RNF169: variants seen among roughly 807,000 people sequenced by gnomAD.
RNF169 encodes the protein ring finger protein 169, also known as E3 ubiquitin-protein ligase RNF169.
A neutral mutation model predicts 53.9 loss-of-function variants in RNF169; 24 were observed. The observed-to-expected ratio is 0.45, with a 90% CI of 0.32 to 0.63. RNF169 has a LOEUF of 0.63. Among genes scored for constraint, RNF169 ranks in the 20% least tolerant of loss-of-function variants. The pLI, the probability that RNF169 is intolerant of heterozygous loss-of-function variation, is 0.04. For synonymous variants in RNF169, 396 were observed against 363.5 expected, an observed-to-expected ratio of 1.09 and a Z score of -1.02; for missense variants, 883 against 906.2, an observed-to-expected ratio of 0.97 and a Z score of 0.33.
rs116069883 is a variant in RNF169, at chr11:74,789,318, C to G, written c.503-308C>G. 4.7e-3 allele frequency among the ~76,000 whole-genome samples: 721 copies of G among 152,222 alleles called. 11 individuals are homozygous for G. The highest frequency in any genetic ancestry group is 0.017 in the African/African-American group (689 of 41,544). On this transcript the variant is annotated intron_variant, in intron 1 of 5. Transcript: ENST00000299563. ...ACAACTGAAAAAGGACAAAAGGCAACTTTTTGGGGAGACTATTTTCTATAA... is the reference window on the plus strand; with the variant it reads ...ACAACTGAAAAAGGACAAAAGGCAAGTTTTTGGGGAGACTATTTTCTATAA...
intron 2 of RNF169, among the ~76,000 whole-genome samples, chr11:74,793,919 C>T (rs2035612687): frequency 6.6e-6 from 1 of 152,032 alleles, no homozygotes; most frequent in Non-Finnish European, 1.5e-5. Context: ...TCTTAGACCC[C>T]TTATATGCTT....
intron 1 of RNF169, among the ~76,000 whole-genome samples, chr11:74,762,368 AGG>A (rs2035099744): frequency 6.1e-5 from 5 of 81,786 alleles, no homozygotes; most frequent in Admixed American, 1.1e-4. Flanking sequence ...CCTTTGGAGG[AGG>A]AGAGGCGCTC....
chr11:74,764,402 G>C (rs778794191), intron 1 of RNF169, among the ~76,000 whole-genome samples: 1 of 152,124 alleles, frequency 6.6e-6, no homozygotes, highest in Non-Finnish European at 1.5e-5. Flanking sequence ...GTGTGGTGGC[G>C]CATGCCTGTA....
In RNF169 at chr11:74,816,646, T is replaced by C. The variant is rs368626332; in HGVS notation, c.724-950T>C. On this transcript the variant is annotated intron_variant, in intron 3 of 5. Coordinates refer to ENST00000299563, the MANE Select transcript of RNF169 (RefSeq NM_001098638.2). ...CTCTGAAAGGCCAATTAGTATTTTA[T>C]AGGCAGAGAGCAGAGACGGAATTTT... Among the ~76,000 whole-genome samples, 213 of 152,320 alleles carry C rather than the reference T, an allele frequency of 1.4e-3. 4 individuals are homozygous for C. In the South Asian group the frequency reaches 0.043, roughly 31 times the overall value.
In RNF169 at chr11:74,838,164, A is replaced by AG. The variant is rs2036285613; in HGVS notation, c.*1437dup. On this transcript the variant is annotated 3_prime_UTR_variant, in exon 6 of 6. Transcript: ENST00000299563. Reference sequence around the variant, plus strand: ...TGACTCCCAAAATGCTAGAACTGGAAGGGACCTTAATGGTTATCTATTCCA... The same window carrying AG: ...TGACTCCCAAAATGCTAGAACTGGAAGGGGACCTTAATGGTTATCTATTCCA... The AG allele has an allele frequency of 1.3e-5, 2 of 152,218 alleles. No homozygotes were observed. The highest frequency in any genetic ancestry group is 2.4e-5 in the African/African-American group (1 of 41,448). 9.4% of individuals were successfully genotyped at this position (152,218 alleles called of 1,614,324 possible).
intron 4 of RNF169, among the ~76,000 whole-genome samples, chr11:74,832,830 A>G (rs969332373): frequency 3.3e-5 from 5 of 152,202 alleles, no homozygotes; most frequent in Non-Finnish European, 7.3e-5. Flanking sequence ...TCTGCCATAC[A>G]GTATACTTCT....
In RNF169 at chr11:74,798,469, A is replaced by G. The variant is rs189052988; in HGVS notation, c.576+8770A>G. On this transcript the variant is annotated intron_variant, in intron 2 of 5. Coordinates refer to ENST00000299563, the MANE Select transcript of RNF169 (RefSeq NM_001098638.2). ...TTCCCACCTAATAAATTTTGATCAG[A>G]CCGGTTGATCTCAAAACCCTGTCTC... 3.9e-5 allele frequency among the ~76,000 whole-genome samples: 6 copies of G among 152,286 alleles called. No homozygotes were observed. In the East Asian group the frequency reaches 1.2e-3, roughly 29 times the overall value.
At position 74,807,369 on chromosome 11, in the gene RNF169, G is replaced by C. The variant is rs886625482; in HGVS notation, c.577-2815G>C. Among the ~76,000 whole-genome samples, 15 of 152,056 alleles carry C rather than the reference G, an allele frequency of 9.9e-5. 1 individual carries two copies. Among genetic ancestry groups the C allele is most frequent in the African/African-American group, 3.4e-4 (14 of 41,386 alleles). On this transcript the variant is annotated intron_variant, in intron 2 of 5. Transcript: ENST00000299563. ...TCATATACCTGTAGCCAACTAATGG[G>C]CCAGCTATTGCAGCACTTTATATTG...
At chr11:74,766,835 A>T (rs183867945) in intron 1 of RNF169, among the ~76,000 whole-genome samples, 1 of 152,202 alleles carries the variant, frequency 6.6e-6, no homozygotes, top group Non-Finnish European at 1.5e-5. Flanking sequence ...ATATTGAAGG[A>T]TGGATGGTTC....
At chr11:74,802,662 CT>C (rs1175491578) in intron 2 of RNF169, among the ~76,000 whole-genome samples, 1 of 152,064 alleles carries the variant, frequency 6.6e-6, no homozygotes, top group Non-Finnish European at 1.5e-5. Context: ...TCAGTCCAAT[CT>C]TACTTCAACA....
rs1349239578 is a variant in RNF169, at chr11:74,758,015, T to G, written c.502+8633T>G. 7.1e-4 allele frequency among the ~76,000 whole-genome samples: 54 copies of G among 76,144 alleles called. 5 individuals are homozygous for G. Among genetic ancestry groups the G allele is most frequent in the Non-Finnish European group, 1.0e-3 (46 of 45,598 alleles). The allele number at this position is 76,144 out of a possible 152,430, so 50.0% of individuals were successfully genotyped here. On this transcript the variant is annotated intron_variant, in intron 1 of 5. Transcript: ENST00000299563. ...CTCTTTAGTTTAATTAGATCCCATT[T>G]GTCAATTTTGTCTTTTGTTGCCATT...
chr11:74,749,011 G>A lies in RNF169; in HGVS notation c.131G>A (p.Gly44Glu), dbSNP rs1465616434. ...AKTGAPGPASGPSLLVLSPPL... is the reference protein window; with the variant it reads ...AKTGAPGPASEPSLLVLSPPL... Reference sequence around the variant, plus strand: ...ACTGGGGCCCCAGGCCCGGCTTCTGGACCTTCGCTGTTGGTGTTGTCGCCG... The same window carrying A: ...ACTGGGGCCCCAGGCCCGGCTTCTGAACCTTCGCTGTTGGTGTTGTCGCCG... The change falls in exon 1 of 6, where the codon GGA becomes GAA. Residue 44 changes from glycine (G) to glutamate (E), a missense_variant. Physicochemically the swap from Gly to Glu is moderately conservative, Grantham distance 98 (BLOSUM62 -2). Transcript: ENST00000299563. 10 of 1,498,732 alleles carry A rather than the reference G, an allele frequency of 6.7e-6. No homozygotes were observed. Among genetic ancestry groups the A allele is most frequent in the Non-Finnish European group, 8.0e-6 (9 of 1,121,066 alleles). The allele number at this position is 1,498,732 out of a possible 1,614,324, so 92.8% of individuals were successfully genotyped here. A position where few individuals can be genotyped will look rare whatever the true frequency, so the allele number is the denominator to read the frequency against.
At chr11:74,759,440 G>A (rs1402684812) in intron 1 of RNF169, among the ~76,000 whole-genome samples, 1 of 114,430 alleles carries the variant, frequency 8.7e-6, no homozygotes, top group Non-Finnish European at 1.8e-5. Context: ...GATATTGGCT[G>A]TGGGTTTGTC....
chr11:74,776,582 A>T (rs1413633213), intron 1 of RNF169, among the ~76,000 whole-genome samples: 1 of 151,892 alleles, frequency 6.6e-6, no homozygotes, highest in Admixed American at 6.6e-5. Context: ...GATCATCCCT[A>T]ACTTCAAGTT....
intron 4 of RNF169, among the ~76,000 whole-genome samples, chr11:74,829,284 A>G (rs1447487284): frequency 2.6e-5 from 4 of 152,260 alleles, no homozygotes; most frequent in African/African-American, 9.6e-5. Flanking sequence ...AATCAAAACC[A>G]TAATGAGATA....
intron 1 of RNF169, among the ~76,000 whole-genome samples, chr11:74,767,630 C>T (rs975299981): frequency 2.6e-4 from 39 of 151,958 alleles, no homozygotes; most frequent in Non-Finnish European, 4.4e-4. Context: ...AGTGCAGTGG[C>T]GCGATCTTGG....
At chr11:74,809,506 G>C (rs2035846685) in intron 2 of RNF169, among the ~76,000 whole-genome samples, 2 of 152,218 alleles carry the variant, frequency 1.3e-5, no homozygotes, top group East Asian at 3.9e-4. Context: ...CCAAAATAAA[G>C]AGCATATCTC....
intron 1 of RNF169, among the ~76,000 whole-genome samples, chr11:74,771,427 G>T (rs1006890320): frequency 6.6e-6 from 1 of 152,146 alleles, no homozygotes; most frequent in Non-Finnish European, 1.5e-5. Flanking sequence ...TTAACTGGTC[G>T]CTATTATGGC....
At chr11:74,789,516 T>C (rs2035551537) in intron 1 of RNF169, 110 bp from the exon 2 acceptor site, 1 of 665,836 alleles carries the variant, frequency 1.5e-6, no homozygotes, top group African/African-American at 1.8e-5. Context: ...TTTATTCTGT[T>C]CTTAGCTTTG....
Sources: gnomAD v4.1 joint callset for allele counts (sites outside exome capture counted in the v4.1 genomes callset) on GRCh38, gnomAD v4.1.1 for gene constraint, MANE v1.5 for transcripts, NCBI Gene and HGNC (gene_info 2026-07-23, HGNC 2026-07-21) for gene names.